The following YARS1 variants were observed in gnomAD, a reference collection of about 807,000 sequenced individuals.
YARS1 encodes the protein tyrosine--tRNA ligase, cytoplasmic.
YARS1 carries 36 observed loss-of-function variants against 62.2 expected under a neutral mutation model. The observed-to-expected ratio is 0.58, with a 90% CI of 0.44 to 0.76. The LOEUF is 0.76. Ranked by LOEUF, YARS1 falls within the 30% of genes least tolerant of loss-of-function variation. The pLI is 0.00. For synonymous variants in YARS1, 234 were observed against 244.9 expected, an observed-to-expected ratio of 0.96 and a Z score of 0.42; for missense variants, 524 against 639.8, an observed-to-expected ratio of 0.82 and a Z score of 1.95.
At chr1:32,805,250 AGAGGGGGAGAGGGG>A (rs1311027040) in intron 4 of YARS1, among the ~76,000 whole-genome samples, 4 of 28,788 alleles carry the variant, frequency 1.4e-4, no homozygotes, top group Non-Finnish European at 1.9e-4. Flanking sequence ...GGAGAGGGGG[AGAGGGGGAGAGGGG>A]GAGAGGGAGA....
chr1:32,813,481 G>A (rs1351329400), intron 1 of YARS1, among the ~76,000 whole-genome samples: 1 of 152,060 alleles, frequency 6.6e-6, no homozygotes, highest in Non-Finnish European at 1.5e-5. Flanking sequence ...ACCATACTCA[G>A]CTAATTGTTT....
At chr1:32,782,214 C>G (rs1653083007) in intron 9 of YARS1, 190 bp downstream of exon 9, 1 of 829,100 alleles carries the variant, frequency 1.2e-6, no homozygotes, top group East Asian at 2.6e-5. Flanking sequence ...AGGATGTGAT[C>G]ACTTCCTGAT....
At chr1:32,803,017 T>C (rs1306940384) in intron 4 of YARS1, among the ~76,000 whole-genome samples, 4 of 147,140 alleles carry the variant, frequency 2.7e-5, no homozygotes, top group Admixed American at 2.1e-4. Flanking sequence ...GAGTCTTGCA[T>C]TGTTGCCCGG....
intron 5 of YARS1, among the ~76,000 whole-genome samples, chr1:32,797,062 T>C (rs1212672983): frequency 1.0e-5 from 1 of 96,920 alleles, no homozygotes; most frequent in Non-Finnish European, 1.9e-5. Context: ...TAAGCATTTC[T>C]GTATTCATTA....
intron 4 of YARS1, among the ~76,000 whole-genome samples, chr1:32,802,952 A>T (rs964304504): frequency 6.7e-6 from 1 of 148,244 alleles, no homozygotes; most frequent in Admixed American, 6.7e-5. Context: ...AGCTGGGGTT[A>T]CAGATGCGCG....
At chr1:32,792,516 T>C (rs1333452888) in intron 5 of YARS1, among the ~76,000 whole-genome samples, 3 of 152,104 alleles carry the variant, frequency 2.0e-5, no homozygotes, top group Non-Finnish European at 4.4e-5. Context: ...ACAGTTAAAA[T>C]AGCCAATAGA....
At chr1:32,817,061 C>T (rs1042503600) in intron 1 of YARS1, 127 bp downstream of exon 1, 42 of 1,210,530 alleles carry the variant, frequency 3.5e-5, no homozygotes, top group Non-Finnish European at 4.7e-5. Flanking sequence ...GATCTACAGG[C>T]TCTCTCAGAG....
chr1:32,789,104 G>A (rs72880540), intron 6 of YARS1, among the ~76,000 whole-genome samples: 2 of 152,286 alleles, frequency 1.3e-5, no homozygotes, highest in African/African-American at 4.8e-5. Context: ...AGGATTACAG[G>A]TGTGAACCAC....
intron 4 of YARS1, among the ~76,000 whole-genome samples, chr1:32,805,192 C>A (rs961994199): frequency 1.5e-5 from 2 of 132,176 alleles, no homozygotes; most frequent in African/African-American, 5.7e-5. Context: ...AGTCCAGCCT[C>A]GGCTCGGCAT....
chr1:32,803,031 G>A (rs891641258), intron 4 of YARS1, among the ~76,000 whole-genome samples: 1 of 148,308 alleles, frequency 6.7e-6, no homozygotes, highest in African/African-American at 2.5e-5. Context: ...TGCCCGGGCT[G>A]GAGTGCAATG....
At chr1:32,788,319 T>C (rs1350926237) in intron 6 of YARS1, among the ~76,000 whole-genome samples, 1 of 152,184 alleles carries the variant, frequency 6.6e-6, no homozygotes, top group Non-Finnish European at 1.5e-5. Context: ...GGTGCAATTA[T>C]AGTTCACTGT....
chr1:32,811,377 T>A, intron 1 of YARS1: 1 of 399,518 alleles, frequency 2.5e-6, no homozygotes, highest in Non-Finnish European at 4.8e-6. Flanking sequence ...CGCAAATAAC[T>A]GATAAGATAT....
rs1638578837 is a variant in YARS1 at position 32,811,289 on chromosome 1, A to C, written c.58-232T>G. On this transcript the variant is annotated intron_variant, in intron 1 of 12. Transcript: ENST00000373477. Reference sequence around the variant, plus strand: ...ACTCCATTTTGGCTCCTTCACTTGTAGCCCCTTGCAGCCTCTTACCCACCC... The same window carrying C: ...ACTCCATTTTGGCTCCTTCACTTGTCGCCCCTTGCAGCCTCTTACCCACCC... The C allele has an allele frequency of 1.2e-5, 7 of 600,800 alleles. No homozygotes were observed. The South Asian group carries it at 1.3e-4, about 11-fold the overall frequency. 37.2% of individuals were successfully genotyped at this position (600,800 alleles called of 1,614,324 possible). A position where few individuals can be genotyped will look rare whatever the true frequency, so the allele number is the denominator to read the frequency against.
chr1:32,785,885 A>G (rs528629479), intron 8 of YARS1, among the ~76,000 whole-genome samples: 822 of 27,210 alleles, frequency 0.03, 3 homozygotes, highest in Admixed American at 0.059. Flanking sequence ...CACCCAGCCC[A>G]TTTTCTTTTT....
intron 3 of YARS1, among the ~76,000 whole-genome samples, chr1:32,810,286 A>G: frequency 6.6e-6 from 1 of 152,160 alleles, no homozygotes; most frequent in East Asian, 1.9e-4. Flanking sequence ...TGGAAGAGAA[A>G]GGGAGGCTGA....
At position 32,797,758 on chromosome 1, in the gene YARS1, C is replaced by A; in HGVS notation, c.591+5G>T. ...GTGAAAAAAGACAGGAAAGCAGACA[C>A]TCACCTTCTCTGCAAAGGTGAAAAT... On this transcript the variant is annotated splice_donor_5th_base_variant and intron_variant, in intron 5 of 12. Transcript: ENST00000373477. 6.2e-7 allele frequency: 1 copy of A among 1,613,086 alleles called. No individual in the cohort carries two copies. Among genetic ancestry groups the A allele is most frequent in the South Asian group, 1.1e-5 (1 of 91,072 alleles).
chr1:32,781,230 T>G (rs1653045677), intron 9 of YARS1, 85 bp from the exon 10 acceptor site: 2 of 1,101,574 alleles, frequency 1.8e-6, no homozygotes, highest in African/African-American at 1.5e-5. Context: ...ACACTGAGAT[T>G]AGGTAAGATT....
chr1:32,777,543 G>A (rs531384150), intron 12 of YARS1, among the ~76,000 whole-genome samples: 186 of 152,296 alleles, frequency 1.2e-3, no homozygotes, highest in Admixed American at 1.8e-3. Flanking sequence ...CCTGGGAGGC[G>A]GAGGTTGCAG....
Position 32,791,198 on chromosome 1 carries a change from T to C in YARS1, c.648A>G (p.Pro216=), listed in dbSNP as rs921807495. The change falls in exon 6 of 13, where the codon CCA becomes CCG. Residue 216 remains proline, a synonymous_variant. Transcript: ENST00000373477. The part of the protein sequence containing the change: ...KRVHLMNPMV[P]GLTGSKMSSS... ...AGCTCATTTTGCTGCCTGTTAATCC[T>C]GGAACCATAGGATTCATCAGATGGA... The C allele has an allele frequency of 6.2e-7, 1 of 1,614,108 alleles. No individual in the cohort carries two copies. Among genetic ancestry groups the C allele is most frequent in the Non-Finnish European group, 8.5e-7 (1 of 1,179,986 alleles).
Sources: gnomAD v4.1 joint callset for allele counts (sites outside exome capture counted in the v4.1 genomes callset) on GRCh38, gnomAD v4.1.1 for gene constraint, MANE v1.5 for transcripts, NCBI Gene and HGNC (gene_info 2026-07-23, HGNC 2026-07-21) for gene names.